Variants in ARHGEF3 observed in about 807,000 individuals in gnomAD.
The protein encoded by ARHGEF3 is 59.8 kDA protein.
In ARHGEF3, 28 loss-of-function variants were observed where a neutral mutation model predicts 63.2. That is an observed-to-expected ratio of 0.44 (90% CI 0.33 to 0.61). ARHGEF3 has a LOEUF of 0.61. Among genes scored for constraint, ARHGEF3 ranks in the 20% least tolerant of loss-of-function variants. ARHGEF3 has a pLI of 0.03. For synonymous variants in ARHGEF3, 266 were observed against 254.2 expected (o/e 1.05, Z -0.44); for missense variants, 533 against 659.3 (o/e 0.81, Z 2.10).
At chr3:56,923,059 TATA>T (rs1442175769) in intron 3 of ARHGEF3, among the ~76,000 whole-genome samples, 14 of 15,472 alleles carry the variant, frequency 9.0e-4, no homozygotes, top group African/African-American at 2.0e-3. Flanking sequence ...TATATATATA[TATA>T]TATATATATA....
intron 2 of ARHGEF3, among the ~76,000 whole-genome samples, chr3:56,992,024 C>CTCTCTCTCTCTGTGTG (rs1239113895): frequency 5.3e-5 from 7 of 131,634 alleles, no homozygotes; most frequent in African/African-American, 2.0e-4. Context: ...CCTCCTCTCT[C>CTCTCTCTCTCTGTGTG]TGTGTGTGTG....
At chr3:57,065,779 C>A (rs1705492809) in intron 1 of ARHGEF3, among the ~76,000 whole-genome samples, 2 of 152,166 alleles carry the variant, frequency 1.3e-5, no homozygotes, top group Non-Finnish European at 2.9e-5. Context: ...GAGGCAAGGT[C>A]ATCCTCATTA....
intron 4 of ARHGEF3, among the ~76,000 whole-genome samples, chr3:56,831,006 T>C (rs1287779199): frequency 2.0e-5 from 3 of 152,208 alleles, no homozygotes; most frequent in Non-Finnish European, 2.9e-5. Context: ...GATTTGCTGT[T>C]ATTTACCATC....
At chr3:56,888,907 A>AAAAAACAAAAAC (rs140687109) in intron 3 of ARHGEF3, among the ~76,000 whole-genome samples, 1 of 151,258 alleles carries the variant, frequency 6.6e-6, no homozygotes, top group Non-Finnish European at 1.5e-5. Flanking sequence ...CCATCTCAAA[A>AAAAAACAAAAAC]AAAAACAAAA....
intron 2 of ARHGEF3, among the ~76,000 whole-genome samples, chr3:56,767,139 T>A (rs2035744524): frequency 6.6e-6 from 1 of 150,752 alleles, no homozygotes; most frequent in Non-Finnish European, 1.5e-5. Flanking sequence ...GGGAGATTTT[T>A]GTCTCTATTA....
chr3:56,952,116 A>G (rs1699839859), intron 3 of ARHGEF3, among the ~76,000 whole-genome samples: 1 of 152,008 alleles, frequency 6.6e-6, no homozygotes, highest in Admixed American at 6.6e-5. Context: ...CTTTTAGATC[A>G]TCAAGAGAGA....
At chr3:56,880,354 CA>C (rs781290060) in intron 4 of ARHGEF3, among the ~76,000 whole-genome samples, 7 of 152,122 alleles carry the variant, frequency 4.6e-5, no homozygotes, top group African/African-American at 9.7e-5. Context: ...GAAAAGAAGC[CA>C]AATTATCCAC....
At chr3:56,963,837 G>A (rs771073500) in intron 2 of ARHGEF3, among the ~76,000 whole-genome samples, 1 of 152,192 alleles carries the variant, frequency 6.6e-6, no homozygotes, top group Non-Finnish European at 1.5e-5. Flanking sequence ...ATGAGAGACT[G>A]GCAGGTGTTT....
rs571736107 is a variant in ARHGEF3 at position 56,831,162 on chromosome 3, T to C, written c.192+51130A>G. 2.0e-5 allele frequency among the ~76,000 whole-genome samples: 3 copies of C among 152,380 alleles called. No homozygotes were observed. In the East Asian group the frequency reaches 5.8e-4, roughly 29 times the overall value. Reference sequence around the variant, plus strand: ...GAAGTAACTGGGTTATCTCATTTACTCTTCTCAAGAACACTTTTAGAATTG... The same window carrying C: ...GAAGTAACTGGGTTATCTCATTTACCCTTCTCAAGAACACTTTTAGAATTG... On this transcript the variant is annotated intron_variant, in intron 4 of 12. Coordinates refer to the ARHGEF3 transcript ENST00000338458.
At chr3:57,062,697 C>T (rs1689926735) in intron 1 of ARHGEF3, among the ~76,000 whole-genome samples, 2 of 151,958 alleles carry the variant, frequency 1.3e-5, no homozygotes, top group African/African-American at 4.8e-5. Context: ...TCTGTCTACA[C>T]ACATGCACAC....
Position 56,932,895 on chromosome 3 carries a change from T to C in ARHGEF3, c.129+25928A>G, listed in dbSNP as rs539899106. Among the ~76,000 whole-genome samples, 5 of 152,324 alleles carry C rather than the reference T, an allele frequency of 3.3e-5. No homozygotes were observed. The East Asian group carries it at 7.7e-4, about 23-fold the overall frequency. The stretch of plus-strand genomic sequence containing the variant: ...AATGATTTCAACTGTTACCTCATTA[T>C]CAAAATAATCTTCTTTTATCCTTCC... On this transcript the variant is annotated intron_variant, in intron 3 of 12. Transcript: ENST00000338458.
At chr3:56,841,352 C>A (rs2039301597) in intron 4 of ARHGEF3, among the ~76,000 whole-genome samples, 1 of 152,126 alleles carries the variant, frequency 6.6e-6, no homozygotes, top group Non-Finnish European at 1.5e-5. Context: ...ACCAAATCCC[C>A]CTTTCAGCTA....
chr3:56,877,909 T>A (rs767557608), intron 4 of ARHGEF3, among the ~76,000 whole-genome samples: 1 of 152,188 alleles, frequency 6.6e-6, no homozygotes, highest in African/African-American at 2.4e-5. Context: ...CATTTGTATG[T>A]CTGAAATATT....
chr3:56,775,805 C>T, intron 1 of ARHGEF3: 1 of 310,156 alleles, frequency 3.2e-6, no homozygotes, highest in Non-Finnish European at 4.6e-6. Context: ...CGCAAGCACA[C>T]ACACACACAC....
intron 2 of ARHGEF3, among the ~76,000 whole-genome samples, chr3:57,020,502 C>T (rs1350367976): frequency 6.6e-6 from 1 of 152,176 alleles, no homozygotes; most frequent in African/African-American, 2.4e-5. Context: ...CCTCCACCCC[C>T]GAGTTCCAGA....
chr3:56,795,798 C>A (rs370705539), intron 1 of ARHGEF3, among the ~76,000 whole-genome samples: 7 of 151,900 alleles, frequency 4.6e-5, no homozygotes, highest in African/African-American at 1.7e-4. Flanking sequence ...TGTGCCACCA[C>A]GCCTGGCTAA....
intron 3 of ARHGEF3, among the ~76,000 whole-genome samples, chr3:56,938,176 T>A (rs1441923447): frequency 6.6e-6 from 1 of 152,142 alleles, no homozygotes; most frequent in Admixed American, 6.5e-5. Context: ...ACAAAAAAGC[T>A]GGTCCTGGAG....
intron 3 of ARHGEF3, among the ~76,000 whole-genome samples, chr3:56,920,628 A>G (rs1163695557): frequency 6.6e-6 from 1 of 152,196 alleles, no homozygotes; most frequent in Non-Finnish European, 1.5e-5. Flanking sequence ...TCTTATTTGT[A>G]CTTAACAAGC....
chr3:56,895,396 T>C (rs184535396), intron 3 of ARHGEF3, among the ~76,000 whole-genome samples: 122 of 152,282 alleles, frequency 8.0e-4, no homozygotes, highest in African/African-American at 2.9e-3. Flanking sequence ...AGGCTCCAGT[T>C]GCCTCCAGTG....
Sources: allele counts gnomAD v4.1 joint callset (sites outside exome capture counted in the v4.1 genomes callset), GRCh38; gene constraint gnomAD v4.1.1; transcripts MANE v1.5; gene names NCBI Gene and HGNC (gene_info 2026-07-23, HGNC 2026-07-21).